The following ANO2 variants were observed in gnomAD, a reference collection of about 807,000 sequenced individuals.
The protein encoded by ANO2 is anoctamin 2, also known as anoctamin-2.
ANO2 carries 101 observed loss-of-function variants against 124.2 expected under a neutral mutation model. That is an observed-to-expected ratio of 0.81 (90% CI 0.69 to 0.96). The LOEUF is 0.96. Ranked by LOEUF, ANO2 falls within the 40% of genes least tolerant of loss-of-function variation. The pLI, the probability that ANO2 is intolerant of heterozygous loss-of-function variation, is 0.00. For missense variants in ANO2, 1,293 were observed against 1,274.5 expected, an observed-to-expected ratio of 1.01 and a Z score of -0.22; for synonymous variants, 486 against 482.5, an observed-to-expected ratio of 1.01 and a Z score of -0.09.
intron 11 of ANO2, among the ~76,000 whole-genome samples, chr12:5,744,895 G>T (rs1189799440): frequency 1.3e-5 from 2 of 152,120 alleles, no homozygotes; most frequent in East Asian, 3.9e-4. Context: ...AGCATGAGCT[G>T]GAGAGCCACT....
At chr12:5,880,156 G>C (rs1190572356) in intron 3 of ANO2, among the ~76,000 whole-genome samples, 1 of 152,206 alleles carries the variant, frequency 6.6e-6, no homozygotes, top group Non-Finnish European at 1.5e-5. Flanking sequence ...GAATGGTTAA[G>C]ACAACCAGCA....
At chr12:5,878,542 C>T (rs915616915) in intron 3 of ANO2, among the ~76,000 whole-genome samples, 1 of 152,196 alleles carries the variant, frequency 6.6e-6, no homozygotes, top group African/African-American at 2.4e-5. Flanking sequence ...CTGACATTGG[C>T]ATTATTGATT....
chr12:5,626,857 G>A (rs1486816863), intron 16 of ANO2, among the ~76,000 whole-genome samples: 2 of 152,200 alleles, frequency 1.3e-5, no homozygotes, highest in African/African-American at 4.8e-5. Context: ...GAGAAAAGGT[G>A]CAAACAAAGG....
chr12:5,640,307 T>C (rs1321619905), intron 15 of ANO2, among the ~76,000 whole-genome samples: 2 of 152,202 alleles, frequency 1.3e-5, no homozygotes, highest in African/African-American at 4.8e-5. Flanking sequence ...TAGGTGTCTT[T>C]GGCTTACCCG....
At chr12:5,702,009 C>T (rs1314258835) in intron 14 of ANO2, among the ~76,000 whole-genome samples, 2 of 151,704 alleles carry the variant, frequency 1.3e-5, no homozygotes, top group Non-Finnish European at 2.9e-5. Context: ...TAAAATATTC[C>T]TAAAGACAGA....
chr12:5,907,392 A>G (rs1940771415), intron 3 of ANO2, among the ~76,000 whole-genome samples: 2 of 152,252 alleles, frequency 1.3e-5, no homozygotes, highest in African/African-American at 4.8e-5. Flanking sequence ...GTGGTATTCA[A>G]ACTCATAATC....
At chr12:5,585,088 G>A (rs1943039108) in intron 20 of ANO2, among the ~76,000 whole-genome samples, 1 of 151,942 alleles carries the variant, frequency 6.6e-6, no homozygotes, top group South Asian at 2.1e-4. Context: ...GTAGAGTGCT[G>A]GGCAGAGGTA....
rs188496654 is a variant in ANO2 at position 5,769,294 on chromosome 12, A to G, written c.1056-18324T>C. Among the ~76,000 whole-genome samples the G allele has an allele frequency of 2.0e-4, 30 of 152,226 alleles. No homozygotes were observed. In the Middle Eastern group the frequency reaches 0.01, roughly 52 times the overall value. On this transcript the variant is annotated intron_variant, in intron 10 of 24. Transcript: ENST00000682330. The surrounding 1 kb of genome is among the most constrained non-coding windows in gnomAD (Gnocchi z 4.0). The stretch of plus-strand genomic sequence containing the variant: ...TGATGGGGTACAGGTGGGACCAGGA[A>G]CCAGGACTGGCTGGCCTGGCGTGGC...
At chr12:5,791,244 T>A (rs979374170) in intron 10 of ANO2, among the ~76,000 whole-genome samples, 2 of 151,698 alleles carry the variant, frequency 1.3e-5, no homozygotes, top group Admixed American at 6.6e-5. Context: ...AGCTACTCAG[T>A]TGACAAAAGC....
chr12:5,597,869 G>A (rs1022007529), intron 20 of ANO2, among the ~76,000 whole-genome samples: 1 of 152,212 alleles, frequency 6.6e-6, no homozygotes, highest in Non-Finnish European at 1.5e-5. Context: ...ATTAGAGGTA[G>A]CTCTTAGCCA....
chr12:5,711,446 T>C (rs913553885), intron 14 of ANO2, among the ~76,000 whole-genome samples: 2 of 152,198 alleles, frequency 1.3e-5, no homozygotes, highest in Admixed American at 6.5e-5. Context: ...GCCATGCTTG[T>C]ACAGCCTGCA....
At chr12:5,637,339 A>ATGTG (rs10700184) in intron 15 of ANO2, among the ~76,000 whole-genome samples, 33,773 of 148,904 alleles carry the variant, frequency 0.23, 4,154 homozygotes, top group Admixed American at 0.29. Context: ...GAGTGAGTGA[A>ATGTG]TGTGTGTGTG....
At chr12:5,899,148 T>C (rs376480903) in intron 3 of ANO2, among the ~76,000 whole-genome samples, 31 of 152,298 alleles carry the variant, frequency 2.0e-4, no homozygotes, top group African/African-American at 4.3e-4. Context: ...AGTAAACTCA[T>C]TGATTGAGAC....
chr12:5,922,160 G>C (rs1261732167), intron 2 of ANO2, among the ~76,000 whole-genome samples: 3 of 152,218 alleles, frequency 2.0e-5, no homozygotes, highest in African/African-American at 7.2e-5. Flanking sequence ...AAGAGGAGGA[G>C]AGAGAACACG....
intron 4 of ANO2, among the ~76,000 whole-genome samples, chr12:5,845,341 T>C (rs550064247): frequency 4.0e-5 from 6 of 151,768 alleles, no homozygotes; most frequent in African/African-American, 1.2e-4. Flanking sequence ...GCCGAGGCAG[T>C]TGGATCACAA....
intron 16 of ANO2, among the ~76,000 whole-genome samples, chr12:5,624,659 C>T (rs769211885): frequency 6.6e-6 from 1 of 152,180 alleles, no homozygotes; most frequent in Non-Finnish European, 1.5e-5. Context: ...TGATCATGTG[C>T]CTGGTGTTGG....
chr12:5,631,751 C>T (rs1184478229), intron 16 of ANO2, among the ~76,000 whole-genome samples: 2 of 152,100 alleles, frequency 1.3e-5, no homozygotes, highest in Non-Finnish European at 2.9e-5. Flanking sequence ...CGGGGTGGGA[C>T]AACACAGGGA....
chr12:5,731,315 A>T (rs1302177864), intron 14 of ANO2, among the ~76,000 whole-genome samples: 3 of 152,154 alleles, frequency 2.0e-5, no homozygotes, highest in Non-Finnish European at 4.4e-5. Context: ...AGGAAAAAAA[A>T]TAACTCAGAG....
chr12:5,611,892 GC>G (rs1944563981), intron 19 of ANO2, among the ~76,000 whole-genome samples: 1 of 152,098 alleles, frequency 6.6e-6, no homozygotes, highest in Non-Finnish European at 1.5e-5. Context: ...AGCAGAACTG[GC>G]CCAGCCTCTC....
Sources: allele counts gnomAD v4.1 joint callset (sites outside exome capture counted in the v4.1 genomes callset), GRCh38; gene constraint gnomAD v4.1.1; non-coding constraint Gnocchi (gnomAD v3.1); transcripts MANE v1.5; gene names NCBI Gene and HGNC (gene_info 2026-07-23, HGNC 2026-07-21).